The following WIPF2 variants were observed in gnomAD, a reference collection of about 807,000 sequenced individuals.
WIPF2 encodes WAS/WASL-interacting protein family member 2.
Under a neutral mutation model 38.8 loss-of-function variants are expected in WIPF2, and 23 were observed. The ratio of observed to expected loss-of-function variants is 0.59; its 90% CI spans 0.43 to 0.84. The LOEUF is 0.84. WIPF2 is among the 40% of genes least tolerant of loss of function. WIPF2 has a pLI of 0.00. For synonymous variants in WIPF2, 210 were observed against 223.2 expected (o/e 0.94, Z 0.53); for missense variants, 574 against 580.5 (o/e 0.99, Z 0.11).
intron 2 of WIPF2, among the ~76,000 whole-genome samples, chr17:40,260,007 A>G (rs1304163861): frequency 2.0e-5 from 3 of 152,110 alleles, no homozygotes; most frequent in African/African-American, 2.4e-5. Flanking sequence ...AAGCTTCTGA[A>G]TAAGAAGGAA....
chr17:40,264,032 G>A (rs547948368), intron 4 of WIPF2, among the ~76,000 whole-genome samples: 2 of 151,848 alleles, frequency 1.3e-5, no homozygotes, highest in East Asian at 3.9e-4. Context: ...GCCTGAAACC[G>A]TATTAAAACC....
Position 40,264,523 on chromosome 17 carries a change from C to G in WIPF2, c.347C>G (p.Pro116Arg). 1.2e-6 allele frequency: 2 copies of G among 1,614,082 alleles called. No homozygotes were observed. Among genetic ancestry groups the G allele is most frequent in the Admixed American group, 1.7e-5 (1 of 60,000 alleles). ...GCTGGTAAGCCAGCCCTGCAAATCC[C>G]CAGTTCTCGAGCTGCTGCCCCAAGG... ...NLAGKPALQI[P>R]SSRAAAPRPP... The change falls in exon 5 of 8, where the codon CCC becomes CGC. Residue 116 changes from proline (P) to arginine (R), a missense_variant. Coordinates refer to ENST00000323571, the MANE Select transcript of WIPF2 (RefSeq NM_133264.5).
chr17:40,236,566 A>G (rs1210217055), intron 1 of WIPF2, among the ~76,000 whole-genome samples: 3 of 148,474 alleles, frequency 2.0e-5, no homozygotes, highest in Non-Finnish European at 4.4e-5. Flanking sequence ...TTGGCCTCCC[A>G]AAGTGCTGGG....
At position 40,250,259 on chromosome 17, in the gene WIPF2, T is replaced by G. The variant is rs995000060; in HGVS notation, c.-69-6132T>G. Among the ~76,000 whole-genome samples the G allele has an allele frequency of 7.9e-5, 9 of 113,228 alleles. 1 individual carries two copies. The highest frequency in any genetic ancestry group is 3.1e-4 in the Admixed American group (3 of 9,718). The allele number at this position is 113,228 out of a possible 152,430, so 74.3% of individuals were successfully genotyped here. A position where few individuals can be genotyped will look rare whatever the true frequency, so the allele number is the denominator to read the frequency against. On this transcript the variant is annotated intron_variant, in intron 1 of 7. Coordinates refer to ENST00000323571, the MANE Select transcript of WIPF2 (RefSeq NM_133264.5). ...TTTTTTTTTTTTTTGAGACAAAGTC[T>G]CGCTCTGTCAACCCAAGCTGGCGTG... is the stretch of plus-strand genomic sequence containing the variant.
At chr17:40,252,278 T>C (rs1037658073) in intron 1 of WIPF2, among the ~76,000 whole-genome samples, 4 of 152,208 alleles carry the variant, frequency 2.6e-5, no homozygotes, top group Non-Finnish European at 5.9e-5. Context: ...GGATCACCTA[T>C]GGACATGGAA....
At position 40,222,654 on chromosome 17, in the gene WIPF2, G is replaced by GTTT. The variant is rs58758484; in HGVS notation, c.-70+3193_-70+3195dup. ...CTGGTTTTGATTTGATGCATATTCAGTTTTTTTTTTTTTTTTTTTTTTTTT... is the reference window on the plus strand; with the variant it reads ...CTGGTTTTGATTTGATGCATATTCAGTTTTTTTTTTTTTTTTTTTTTTTTTTTT... On this transcript the variant is annotated intron_variant, in intron 1 of 7. Transcript: ENST00000323571. Among the ~76,000 whole-genome samples the GTTT allele has an allele frequency of 1.2e-3, 62 of 52,858 alleles. 10 individuals are homozygous for GTTT. The highest frequency in any genetic ancestry group is 2.4e-3 in the East Asian group (3 of 1,252). 34.7% of individuals were successfully genotyped at this position (52,858 alleles called of 152,430 possible).
At chr17:40,234,640 A>G (rs752271334) in intron 1 of WIPF2, among the ~76,000 whole-genome samples, 1 of 152,060 alleles carries the variant, frequency 6.6e-6, no homozygotes, top group Non-Finnish European at 1.5e-5. Flanking sequence ...AAAAAGGAAA[A>G]CCATTTTTGT....
chr17:40,220,632 T>TATATATATATATATATATATA (rs200038879), intron 1 of WIPF2: 1 of 131,032 alleles, frequency 7.6e-6, no homozygotes, highest in African/African-American at 3.0e-5. Flanking sequence ...TATATATATA[T>TATATATATATATATATATATA]TTTTTTGTTG....
At chr17:40,255,268 T>A (rs954389223) in intron 1 of WIPF2, among the ~76,000 whole-genome samples, 20 of 152,046 alleles carry the variant, frequency 1.3e-4, no homozygotes, top group African/African-American at 4.6e-4. Context: ...GTGAGATGAT[T>A]GCTTGAGGCC....
At chr17:40,258,136 G>C (rs1449890961) in intron 2 of WIPF2, among the ~76,000 whole-genome samples, 1 of 152,184 alleles carries the variant, frequency 6.6e-6, no homozygotes, top group Non-Finnish European at 1.5e-5. Context: ...AGTGGCTCAC[G>C]CCTGGAATCC....
chr17:40,268,265 T>C (rs549774132), intron 5 of WIPF2, among the ~76,000 whole-genome samples: 9 of 152,356 alleles, frequency 5.9e-5, no homozygotes, highest in African/African-American at 1.9e-4. Flanking sequence ...CCATCTAACA[T>C]AGGGCAGCCA....
intron 2 of WIPF2, 151 bp downstream of exon 2, chr17:40,256,673 A>G: frequency 1.7e-6 from 2 of 1,199,156 alleles, no homozygotes; most frequent in Non-Finnish European, 2.2e-6. Context: ...TGTTTTTAAC[A>G]TTCCAGATTG....
intron 1 of WIPF2, among the ~76,000 whole-genome samples, chr17:40,239,150 C>T (rs533854403): frequency 2.3e-3 from 342 of 151,348 alleles, no homozygotes; most frequent in African/African-American, 7.8e-3. Flanking sequence ...CGGCTCACTG[C>T]AAGCTCCGCC....
intron 1 of WIPF2, among the ~76,000 whole-genome samples, chr17:40,256,000 G>A (rs1265146331): frequency 2.0e-5 from 3 of 151,600 alleles, no homozygotes; most frequent in Non-Finnish European, 4.4e-5. Flanking sequence ...AGGCTGAGGT[G>A]GGAGGATTGC....
chr17:40,247,972 G>C (rs1341278025), intron 1 of WIPF2, among the ~76,000 whole-genome samples: 1 of 151,980 alleles, frequency 6.6e-6, no homozygotes, highest in Non-Finnish European at 1.5e-5. Context: ...TTCATTTGTT[G>C]CAATTGTCTT....
intron 1 of WIPF2, among the ~76,000 whole-genome samples, chr17:40,224,215 T>G (rs190449226): frequency 1.3e-5 from 2 of 150,354 alleles, no homozygotes; most frequent in East Asian, 3.9e-4. Context: ...TGCTTATTTT[T>G]TTTTTCTTTT....
rs1413900241 is a variant in WIPF2 at position 40,282,035 on chromosome 17, A to G, written c.*3810A>G. ...GAATGGGAGGGGAGAGAGGAGGGCCATTACAACTCTGCCTTCAAGACTCAT... is the reference window on the plus strand; with the variant it reads ...GAATGGGAGGGGAGAGAGGAGGGCCGTTACAACTCTGCCTTCAAGACTCAT... On this transcript the variant is annotated 3_prime_UTR_variant, in exon 8 of 8. Coordinates refer to ENST00000323571, the MANE Select transcript of WIPF2 (RefSeq NM_133264.5). The G allele has an allele frequency of 6.7e-6, 1 of 149,574 alleles. No homozygotes were observed. 9.3% of individuals were successfully genotyped at this position (149,574 alleles called of 1,614,324 possible).
At chr17:40,234,579 C>A (rs1357995633) in intron 1 of WIPF2, among the ~76,000 whole-genome samples, 1 of 152,056 alleles carries the variant, frequency 6.6e-6, no homozygotes, top group Non-Finnish European at 1.5e-5. Flanking sequence ...AAGCCATGAT[C>A]ACACCACTGC....
chr17:40,224,935 C>T (rs2030417099), intron 1 of WIPF2, among the ~76,000 whole-genome samples: 1 of 151,808 alleles, frequency 6.6e-6, no homozygotes, highest in South Asian at 2.1e-4. Context: ...GCTCTTGTTG[C>T]TACTATTCTT....
Sources: gnomAD v4.1 joint callset for allele counts (sites outside exome capture counted in the v4.1 genomes callset) on GRCh38, gnomAD v4.1.1 for gene constraint, MANE v1.5 for transcripts, NCBI Gene and HGNC (gene_info 2026-07-23, HGNC 2026-07-21) for gene names.